FRMD4A: variants seen among roughly 807,000 people sequenced by gnomAD.
The protein encoded by FRMD4A is FERM domain-containing protein 4A.
FRMD4A carries 29 observed loss-of-function variants against 129.1 expected under a neutral mutation model. That is an observed-to-expected ratio of 0.22 (90% CI 0.17 to 0.31). The LOEUF (loss-of-function observed/expected upper bound fraction) is 0.31, where lower values mean the gene tolerates loss of function less well. Ranked by LOEUF, FRMD4A falls within the 10% of genes least tolerant of loss-of-function variation. The pLI, the probability that FRMD4A is intolerant of heterozygous loss-of-function variation, is 1.00. For synonymous variants in FRMD4A, 634 were observed against 571.6 expected, an observed-to-expected ratio of 1.11 and a Z score of -1.56; for missense variants, 1,272 against 1,375.8, an observed-to-expected ratio of 0.92 and a Z score of 1.19.
intron 2 of FRMD4A, among the ~76,000 whole-genome samples, chr10:13,913,926 G>C (rs546938511): frequency 6.6e-6 from 1 of 152,164 alleles, no homozygotes; most frequent in African/African-American, 2.4e-5. Context: ...ACGGGGAGAC[G>C]CAGAGGCCTC....
At chr10:14,089,263 G>C (rs1380649853) in intron 2 of FRMD4A, among the ~76,000 whole-genome samples, 1 of 152,194 alleles carries the variant, frequency 6.6e-6, no homozygotes, top group African/African-American at 2.4e-5. Context: ...GTTTCCGTGG[G>C]GAGAGAAGAG....
rs1014238680 is a variant in FRMD4A at position 13,666,251 on chromosome 10, G to A, written c.1449C>T (p.Ala483=). ...GTTTTTTGCTGACGTTGGGGTCACT[G>A]GCTAGGCGGCGGGCGGCCTCCGTAA... The part of the protein sequence containing the change: ...SQITEAARRL[A]SDPNVSKKLK... Residue 483 remains alanine, a synonymous_variant, in exon 18 of 25, where the codon GCC becomes GCT. Transcript: ENST00000357447. 5 of 1,614,012 alleles carry A rather than the reference G, an allele frequency of 3.1e-6. No homozygotes were observed. In the Admixed American group the frequency reaches 8.3e-5, roughly 27 times the overall value.
chr10:14,104,349 G>T (rs537225018), intron 2 of FRMD4A, among the ~76,000 whole-genome samples: 1 of 152,142 alleles, frequency 6.6e-6, no homozygotes, highest in South Asian at 2.1e-4. Context: ...TGCCATTGAG[G>T]TCTACACTGT....
chr10:14,300,446 A>G (rs1264772908), intron 2 of FRMD4A, among the ~76,000 whole-genome samples: 2 of 152,094 alleles, frequency 1.3e-5, no homozygotes, highest in African/African-American at 2.4e-5. Context: ...ACTCTTACTT[A>G]TTTGTTTCTT....
In FRMD4A at chr10:14,234,859, G is replaced by A. The variant is rs138667983; in HGVS notation, c.45+95199C>T. ...CTACTAACAGCCCCTGTGGCTCTAC[G>A]TTAGATCAGTTGCTACTGAGTCTCA... On this transcript the variant is annotated intron_variant, in intron 2 of 24. Coordinates refer to ENST00000357447, the MANE Select transcript of FRMD4A (RefSeq NM_018027.5). Among the ~76,000 whole-genome samples, 224 of 152,300 alleles carry A rather than the reference G, an allele frequency of 1.5e-3. 4 individuals carry two copies. The East Asian group carries it at 0.036, about 24-fold the overall frequency.
intron 2 of FRMD4A, among the ~76,000 whole-genome samples, chr10:14,191,941 A>C (rs1842332108): frequency 1.3e-5 from 2 of 151,274 alleles, no homozygotes; most frequent in African/African-American, 4.9e-5. Flanking sequence ...TTATTTTCTC[A>C]CTCACTGTCT....
At chr10:13,906,843 C>T (rs2094887385) in intron 2 of FRMD4A, among the ~76,000 whole-genome samples, 1 of 152,214 alleles carries the variant, frequency 6.6e-6, no homozygotes, top group South Asian at 2.1e-4. Flanking sequence ...GGAGTGAATT[C>T]AAATGCATTT....
intron 2 of FRMD4A, among the ~76,000 whole-genome samples, chr10:14,188,240 G>A (rs1842208687): frequency 6.6e-6 from 1 of 152,094 alleles, no homozygotes. Context: ...CTGGACGCCT[G>A]CCTCTCCCCC....
intron 2 of FRMD4A, among the ~76,000 whole-genome samples, chr10:14,007,774 A>G (rs71479858): frequency 5.9e-5 from 9 of 152,098 alleles, no homozygotes; most frequent in Non-Finnish European, 1.0e-4. Flanking sequence ...AATCTTTCAA[A>G]CCCATTCCAG....
At chr10:14,249,690 A>G (rs1286046928) in intron 2 of FRMD4A, among the ~76,000 whole-genome samples, 1 of 152,272 alleles carries the variant, frequency 6.6e-6, no homozygotes, top group Non-Finnish European at 1.5e-5. Flanking sequence ...AAGGATATTC[A>G]TGATAGCATT....
intron 15 of FRMD4A, among the ~76,000 whole-genome samples, chr10:13,688,592 G>C (rs1343254887): frequency 6.6e-6 from 1 of 151,976 alleles, no homozygotes; most frequent in Non-Finnish European, 1.5e-5. Flanking sequence ...ATCTGGTGAC[G>C]GATCTTGGGT....
chr10:14,318,714 T>G (rs556277765), intron 2 of FRMD4A, among the ~76,000 whole-genome samples: 1 of 152,158 alleles, frequency 6.6e-6, no homozygotes, highest in Non-Finnish European at 1.5e-5. Context: ...AGACAGTTTG[T>G]GAGTAATTCA....
intron 19 of FRMD4A, among the ~76,000 whole-genome samples, chr10:13,662,879 A>G (rs1046643401): frequency 6.6e-6 from 1 of 152,154 alleles, no homozygotes; most frequent in East Asian, 1.9e-4. Flanking sequence ...CTCAAAAGGA[A>G]GCTATGCCTA....
chr10:13,881,252 T>TA lies in FRMD4A; in HGVS notation c.46-22341dup, dbSNP rs3032918. Among the ~76,000 whole-genome samples, 582 of 120,286 alleles carry TA rather than the reference T, an allele frequency of 4.8e-3. 7 individuals carry two copies. The highest frequency in any genetic ancestry group is 0.017 in the African/African-American group (528 of 31,490). The allele number at this position is 120,286 out of a possible 152,430, so 78.9% of individuals were successfully genotyped here. A position where few individuals can be genotyped will look rare whatever the true frequency, so the allele number is the denominator to read the frequency against. On this transcript the variant is annotated intron_variant, in intron 2 of 24. Transcript: ENST00000357447. ...GGCAATCTAGTGAGACCCCCATCTC[T>TA]AAAAAAAAAAAAAAAAAAAAATTAG...
intron 2 of FRMD4A, among the ~76,000 whole-genome samples, chr10:14,096,173 G>A (rs1256347052): frequency 6.6e-6 from 1 of 152,138 alleles, no homozygotes; most frequent in African/African-American, 2.4e-5. Context: ...GAATCTTCAC[G>A]AATGGGATTA....
chr10:13,872,292 T>G (rs1262182488), intron 2 of FRMD4A, among the ~76,000 whole-genome samples: 1 of 152,206 alleles, frequency 6.6e-6, no homozygotes, highest in Non-Finnish European at 1.5e-5. Context: ...CTTCAGGGAC[T>G]GAGCAAGTGC....
intron 8 of FRMD4A, among the ~76,000 whole-genome samples, chr10:13,753,541 ATTTTTTTT>A (rs35813128): frequency 6.1e-5 from 7 of 115,270 alleles, no homozygotes; most frequent in East Asian, 5.0e-4. Flanking sequence ...GTACCTTTCT[ATTTTTTTT>A]TTTTTTTTTT....
At chr10:13,862,451 T>C (rs11258678) in intron 2 of FRMD4A, among the ~76,000 whole-genome samples, 19,646 of 152,216 alleles carry the variant, frequency 0.13, 1,483 homozygotes, top group South Asian at 0.17. Context: ...ATAATCCTCA[T>C]TACATAAAAC....
intron 2 of FRMD4A, among the ~76,000 whole-genome samples, chr10:13,940,872 G>A (rs1433339196): frequency 2.0e-5 from 3 of 152,168 alleles, no homozygotes; most frequent in Non-Finnish European, 1.5e-5. Flanking sequence ...TAAACCATGG[G>A]CCAGAGTGGT....
Sources: gnomAD v4.1 joint callset for allele counts (sites outside exome capture counted in the v4.1 genomes callset) on GRCh38, gnomAD v4.1.1 for gene constraint, MANE v1.5 for transcripts, NCBI Gene and HGNC (gene_info 2026-07-23, HGNC 2026-07-21) for gene names.